The following TAF4 variants were observed in gnomAD, a reference collection of about 807,000 sequenced individuals.
TAF4 encodes transcription initiation factor TFIID subunit 4.
A neutral mutation model predicts 90.3 loss-of-function variants in TAF4; 9 were observed. That is an observed-to-expected ratio of 0.10 (90% CI 0.06 to 0.17). TAF4 has a LOEUF of 0.17. Among genes scored for constraint, TAF4 ranks in the 10% least tolerant of loss-of-function variants. TAF4 has a pLI of 1.00. For missense variants in TAF4, 1,351 were observed against 1,370.7 expected (o/e 0.99, Z 0.23); for synonymous variants, 818 against 638.9 (o/e 1.28, Z -4.23).
chr20:61,992,332 G>A (rs955640434), intron 14 of TAF4, among the ~76,000 whole-genome samples: 2 of 152,134 alleles, frequency 1.3e-5, no homozygotes, highest in African/African-American at 2.4e-5. Flanking sequence ...CACCACCCTC[G>A]GCAGGAGTGC....
At chr20:62,043,976 C>T (rs1039234989) in intron 1 of TAF4, among the ~76,000 whole-genome samples, 5 of 152,202 alleles carry the variant, frequency 3.3e-5, no homozygotes, top group Non-Finnish European at 7.3e-5. Flanking sequence ...CTAACCCAGG[C>T]TTCAGCCTCC....
intron 1 of TAF4, among the ~76,000 whole-genome samples, chr20:62,047,943 C>T (rs922297140): frequency 6.6e-6 from 1 of 152,228 alleles, no homozygotes; most frequent in African/African-American, 2.4e-5. Context: ...ACACCGGCAA[C>T]CCTGCCCCGG....
chr20:61,978,696 C>T (rs2055514290), intron 14 of TAF4, among the ~76,000 whole-genome samples: 2 of 151,700 alleles, frequency 1.3e-5, no homozygotes, highest in African/African-American at 2.4e-5. Flanking sequence ...AGGCCGGGGG[C>T]GAGACCAACC....
In TAF4 at chr20:62,036,037, A is replaced by ATT. The variant is rs1568938530; in HGVS notation, c.1361-21331_1361-21330insAA. ...TAATCAAATTTCTTTTTTTTTTTAAAAAAAAAAAAGAGTTTTGCTCTTGTT... is the reference window on the plus strand; with the variant it reads ...TAATCAAATTTCTTTTTTTTTTTAAATTAAAAAAAAAGAGTTTTGCTCTTGTT... On this transcript the variant is annotated intron_variant, in intron 1 of 14. Transcript: ENST00000252996. 1.0e-3 allele frequency among the ~76,000 whole-genome samples: 138 copies of ATT among 131,926 alleles called. 2 individuals carry two copies. Among genetic ancestry groups the ATT allele is most frequent in the African/African-American group, 3.8e-3 (124 of 32,216 alleles). 86.5% of individuals were successfully genotyped at this position (131,926 alleles called of 152,430 possible). A position where few individuals can be genotyped will look rare whatever the true frequency, so the allele number is the denominator to read the frequency against.
intron 1 of TAF4, among the ~76,000 whole-genome samples, chr20:62,056,201 C>T (rs1444618706): frequency 6.6e-6 from 1 of 152,082 alleles, no homozygotes; most frequent in East Asian, 1.9e-4. Flanking sequence ...TGCGCCACTG[C>T]ACTCCAGCCT....
chr20:62,052,648 A>C (rs2056035763), intron 1 of TAF4, among the ~76,000 whole-genome samples: 1 of 151,620 alleles, frequency 6.6e-6, no homozygotes, highest in Non-Finnish European at 1.5e-5. Flanking sequence ...TGGCTTGAAC[A>C]CCACCGTCCC....
At chr20:61,985,974 T>A (rs1455585811) in intron 14 of TAF4, among the ~76,000 whole-genome samples, 2 of 147,184 alleles carry the variant, frequency 1.4e-5, no homozygotes, top group African/African-American at 5.1e-5. Flanking sequence ...GGAAGCACCA[T>A]CCCCAATCAA....
intron 1 of TAF4, among the ~76,000 whole-genome samples, chr20:62,053,893 C>T (rs936895371): frequency 2.0e-5 from 3 of 152,240 alleles, no homozygotes; most frequent in African/African-American, 4.8e-5. Flanking sequence ...CTCTTGGCCA[C>T]TTGAAGCCCT....
At position 62,010,209 on chromosome 20, in the gene TAF4, C is replaced by T; in HGVS notation, c.1642-44G>A. ...ACAAGGTAAGGGCATCTCACGCCAC[C>T]AGCTGACGAGGGGGAGACCAGCCTC... On this transcript the variant is annotated intron_variant, in intron 3 of 14. Transcript: ENST00000252996. The surrounding 1 kb of genome is among the most constrained non-coding windows in gnomAD (Gnocchi z 4.5). 1 of 1,612,380 alleles carries T rather than the reference C, an allele frequency of 6.2e-7. No homozygotes were observed. The highest frequency in any genetic ancestry group is 8.5e-7 in the Non-Finnish European group (1 of 1,179,694).
chr20:61,984,365 C>T (rs995777352), intron 14 of TAF4, among the ~76,000 whole-genome samples: 9 of 152,226 alleles, frequency 5.9e-5, no homozygotes, highest in Non-Finnish European at 1.2e-4. Context: ...ACGCACCAAC[C>T]CCTCAATTCA....
intron 1 of TAF4, among the ~76,000 whole-genome samples, chr20:62,026,562 G>A (rs1484643894): frequency 6.6e-6 from 1 of 152,204 alleles, no homozygotes; most frequent in East Asian, 1.9e-4. Flanking sequence ...CCAGCTCTGT[G>A]GGAGCTGGCT....
chr20:61,981,020 A>C (rs547505639), intron 14 of TAF4: 4 of 152,614 alleles, frequency 2.6e-5, no homozygotes, highest in African/African-American at 9.6e-5. Flanking sequence ...TCCTGAGAGG[A>C]GCCCTTTGGC....
At chr20:62,060,654 T>G (rs183926643) in intron 1 of TAF4, among the ~76,000 whole-genome samples, 103 of 152,342 alleles carry the variant, frequency 6.8e-4, no homozygotes, top group African/African-American at 2.4e-3. Flanking sequence ...TTTTCTTTGT[T>G]CTTTTCAAAT....
intron 14 of TAF4, among the ~76,000 whole-genome samples, chr20:61,987,902 G>C (rs1014605240): frequency 2.0e-4 from 31 of 152,214 alleles, no homozygotes; most frequent in Non-Finnish European, 1.8e-4. Flanking sequence ...GAAAAGAAAT[G>C]AGCCATCAAG....
At chr20:62,014,048 G>C (rs1023091666) in intron 2 of TAF4, among the ~76,000 whole-genome samples, 3 of 147,960 alleles carry the variant, frequency 2.0e-5, no homozygotes, top group Non-Finnish European at 3.0e-5. Context: ...GTGTGTGTAT[G>C]TGTGTGTGTG....
At chr20:61,985,666 C>T (rs2055583982) in intron 14 of TAF4, among the ~76,000 whole-genome samples, 1 of 151,072 alleles carries the variant, frequency 6.6e-6, no homozygotes, top group African/African-American at 2.4e-5. Flanking sequence ...GAACCAGGTT[C>T]CCATGTAAGG....
chr20:62,002,187 C>A (rs894177289), intron 9 of TAF4, among the ~76,000 whole-genome samples: 2 of 152,244 alleles, frequency 1.3e-5, no homozygotes, highest in Non-Finnish European at 2.9e-5. Context: ...CCTCCCTTCT[C>A]ACTGAAGTAT....
In TAF4 at chr20:62,011,871, C is replaced by G. The variant is rs558456197; in HGVS notation, c.1641+944G>C. ...ACGCATCCACGGATGCTCACAGACACCAGGTGACCAAGAAAAACCCCTGAA... is the reference window on the plus strand; with the variant it reads ...ACGCATCCACGGATGCTCACAGACAGCAGGTGACCAAGAAAAACCCCTGAA... On this transcript the variant is annotated intron_variant, in intron 3 of 14. Transcript: ENST00000252996. Among the ~76,000 whole-genome samples, 81 of 152,322 alleles carry G rather than the reference C, an allele frequency of 5.3e-4. 1 individual carries two copies. In the South Asian group the frequency reaches 0.017, roughly 31 times the overall value.
chr20:62,003,517 G>A (rs1350809653), intron 8 of TAF4, among the ~76,000 whole-genome samples: 3 of 152,208 alleles, frequency 2.0e-5, no homozygotes, highest in Non-Finnish European at 4.4e-5. Flanking sequence ...AGATAAAGAA[G>A]CTAACCATGG....
Sources: gnomAD v4.1 joint callset for allele counts (sites outside exome capture counted in the v4.1 genomes callset) on GRCh38, gnomAD v4.1.1 for gene constraint, Gnocchi (gnomAD v3.1) non-coding constraint, MANE v1.5 for transcripts, NCBI Gene and HGNC (gene_info 2026-07-23, HGNC 2026-07-21) for gene names.